Variants in TECTA observed in about 807,000 individuals in gnomAD.
TECTA encodes alpha-tectorin.
TECTA carries 128 observed loss-of-function variants against 216.8 expected under a neutral mutation model. The observed-to-expected ratio is 0.59, with a 90% confidence interval of 0.51 to 0.68. TECTA has a LOEUF of 0.68. TECTA is among the 30% of genes least tolerant of loss of function. The probability of loss-of-function intolerance (pLI) is 0.00; values close to 1 mark genes in which losing one functional copy is unlikely to be tolerated. For missense variants in TECTA, 2,551 were observed against 2,786.2 expected, an observed-to-expected ratio of 0.92 and a Z score of 1.90; for synonymous variants, 1,089 against 1,117.1, an observed-to-expected ratio of 0.97 and a Z score of 0.50.
At chr11:121,138,091 C>T (rs973178211) in intron 11 of TECTA, 69 bp downstream of exon 11, 2 of 1,606,154 alleles carry the variant, frequency 1.2e-6, no homozygotes, top group African/African-American at 2.7e-5. Flanking sequence ...GCAAGCCAGG[C>T]TGCAGCTGAA....
chr11:121,113,589 A>G lies in TECTA; in HGVS notation c.661A>G (p.Ser221Gly), dbSNP rs1306149615. The G allele has an allele frequency of 1.2e-6, 2 of 1,613,946 alleles. No individual in the cohort carries two copies. Among genetic ancestry groups the G allele is most frequent in the East Asian group, 2.2e-5 (1 of 44,880 alleles). The change falls in exon 6 of 24, where the codon AGC becomes GGC. Residue 221 changes from serine to glycine, a missense_variant. Physicochemically the swap from Ser to Gly is moderately conservative, Grantham distance 56. Coordinates refer to ENST00000392793, the MANE Select transcript of TECTA (RefSeq NM_005422.4). The surrounding 1 kb of genome is among the most constrained non-coding windows in gnomAD (Gnocchi z 4.2). Reference sequence around the variant, plus strand: ...TGGTGGAAACCTCACCAATTTCTTCAGCCTCCCGGGGTCAAGAACCCCCGA... The same window carrying G: ...TGGTGGAAACCTCACCAATTTCTTCGGCCTCCCGGGGTCAAGAACCCCCGA... ...FNGGNLTNFF[S>G]LPGSRTPEIV...
At chr11:121,163,065 C>T (rs1295649557) in intron 16 of TECTA, among the ~76,000 whole-genome samples, 1 of 152,168 alleles carries the variant, frequency 6.6e-6, no homozygotes, top group African/African-American at 2.4e-5. Context: ...GTCACTCTCA[C>T]TAGTGTGGCC....
At chr11:121,166,922 A>G (rs994837396) in intron 18 of TECTA, 142 bp downstream of exon 18, 8 of 906,440 alleles carry the variant, frequency 8.8e-6, no homozygotes, top group African/African-American at 4.9e-5. Context: ...CATGTGCAAC[A>G]TGAAAGACAG....
At position 121,176,582 on chromosome 11, in the gene TECTA, A is replaced by T. The variant is rs866890204; in HGVS notation, c.5999+7657A>T. ...TGGGCTTCCCTTTGTGGGTAACCTG[A>T]CCTTTCTCTCTGGCTGCCCTTAACA... On this transcript the variant is annotated intron_variant, in intron 20 of 23. Coordinates refer to ENST00000392793, the MANE Select transcript of TECTA (RefSeq NM_005422.4). Among the ~76,000 whole-genome samples, 6 of 135,462 alleles carry T rather than the reference A, an allele frequency of 4.4e-5. 1 individual carries two copies. The highest frequency in any genetic ancestry group is 1.3e-4 in the African/African-American group (4 of 30,982). The allele number at this position is 135,462 out of a possible 152,430, so 88.9% of individuals were successfully genotyped here.
intron 13 of TECTA, among the ~76,000 whole-genome samples, chr11:121,154,312 G>A (rs1946920988): frequency 6.6e-6 from 1 of 152,116 alleles, no homozygotes; most frequent in Non-Finnish European, 1.5e-5. Context: ...TTTCAGTGGA[G>A]AATTTATTTA....
chr11:121,143,076 A>G (rs1180385400), intron 11 of TECTA, among the ~76,000 whole-genome samples: 1 of 152,160 alleles, frequency 6.6e-6, no homozygotes, highest in East Asian at 1.9e-4. Flanking sequence ...TGCTTCTGCA[A>G]CCCAAATTCT....
rs1946746495 is a variant in TECTA at position 121,137,804 on chromosome 11, C to T, written c.3325C>T (p.Leu1109Phe). The change falls in exon 11 of 24, where the codon CTC becomes TTC. Residue 1109 changes from leucine (L) to phenylalanine (F), a missense_variant. This residue lies in a region of TECTA where 2,375 missense variants were observed against 2,563.9 expected (regional missense o/e 0.93). Coordinates refer to ENST00000392793, the MANE Select transcript of TECTA (RefSeq NM_005422.4). The stretch of plus-strand genomic sequence containing the variant: ...CATCGTCTCAGGCTACGGCCACTAC[C>T]TCACCTTTGATGGCTTCCCCTTTGA... The part of the protein sequence containing the change: ...SCIVSGYGHY[L>F]TFDGFPFDFQ... The T allele has an allele frequency of 6.2e-7, 1 of 1,613,344 alleles. No homozygotes were observed. The highest frequency in any genetic ancestry group is 1.3e-5 in the African/African-American group (1 of 74,922).
At position 121,129,688 on chromosome 11, in the gene TECTA, G is replaced by A. The variant is rs138185038; in HGVS notation, c.2418G>A (p.Leu806=). The A allele has an allele frequency of 1.0e-3, 1,627 of 1,614,202 alleles. 6 individuals are homozygous for A. The highest frequency in any genetic ancestry group is 9.5e-4 in the Non-Finnish European group (1,116 of 1,180,042). ...CTTTTTTCCATCCTTCGGGGAAGCT[G>A]GAAATTTATCGAAACAAAAACAGTA... The part of the protein sequence containing the change: ...ELPFFHPSGK[L]EIYRNKNSTT... The change falls in exon 10 of 24, where the codon CTG becomes CTA. Residue 806 remains leucine (L), a synonymous_variant. Transcript: ENST00000392793.
intron 20 of TECTA, among the ~76,000 whole-genome samples, chr11:121,180,748 T>G (rs1947219080): frequency 6.6e-6 from 1 of 152,078 alleles, no homozygotes; most frequent in South Asian, 2.1e-4. Context: ...CTCCCCAAAT[T>G]GGTATATTTG....
At chr11:121,189,036 A>G (rs754102763) in intron 21 of TECTA, 44 bp from the exon 22 acceptor site, 1 of 1,594,076 alleles carries the variant, frequency 6.3e-7, no homozygotes, top group Non-Finnish European at 8.6e-7. Flanking sequence ...ATAAGTTATC[A>G]GCTTAATTGT....
intron 12 of TECTA, among the ~76,000 whole-genome samples, chr11:121,146,713 G>A (rs1946841914): frequency 1.3e-5 from 2 of 152,186 alleles, no homozygotes; most frequent in African/African-American, 4.8e-5. Flanking sequence ...ATAAAGCAGT[G>A]GTAATGCTGC....
chr11:121,152,853 G>T, intron 12 of TECTA, 28 bp from the exon 13 acceptor site: 3 of 1,581,988 alleles, frequency 1.9e-6, no homozygotes, highest in South Asian at 1.1e-5. Context: ...GTGATCGTGC[G>T]AGTCTTGACT....
intron 22 of TECTA, 101 bp downstream of exon 22, chr11:121,189,268 C>A: frequency 1.6e-6 from 2 of 1,216,602 alleles, no homozygotes; most frequent in Non-Finnish European, 1.2e-6. Context: ...GACAAGGAGG[C>A]TGGTGTTGGG....
intron 20 of TECTA, among the ~76,000 whole-genome samples, chr11:121,182,595 C>A (rs1392011861): frequency 1.6e-4 from 24 of 152,242 alleles, no homozygotes; most frequent in Non-Finnish European, 4.4e-5. Flanking sequence ...ATCCCCAAGC[C>A]CCCGATGGTG....
In TECTA at chr11:121,127,406, T is replaced by A. The variant is rs1946623090; in HGVS notation, c.1775-346T>A. On this transcript the variant is annotated intron_variant, in intron 8 of 23. Coordinates refer to ENST00000392793, the MANE Select transcript of TECTA (RefSeq NM_005422.4). This position sits in a 1 kb window ranked among gnomAD's most constrained non-coding sequence, Gnocchi z 5.0. ...CTTTAAAATCAGATCAATTTATATG[T>A]CCATCAGTGGAAGGTCTTAAAATAT... Among the ~76,000 whole-genome samples, 1 of 152,206 alleles carries A rather than the reference T, an allele frequency of 6.6e-6. No homozygotes were observed. Among genetic ancestry groups the A allele is most frequent in the Non-Finnish European group, 1.5e-5 (1 of 68,032 alleles).
chr11:121,109,821 C>T, intron 4 of TECTA: 1 of 371,062 alleles, frequency 2.7e-6, no homozygotes, highest in Non-Finnish European at 5.1e-6. Context: ...AGACCCATTC[C>T]AGGCCACATG....
chr11:121,113,522 T>A lies in TECTA; in HGVS notation c.625-31T>A, dbSNP rs1946465075. The stretch of plus-strand genomic sequence containing the variant: ...GTTAACCCATGGGGAATTTTTGTAC[T>A]CAAAAATCTTGTCTTCCTTTTGTGC... On this transcript the variant is annotated intron_variant, in intron 5 of 23. Transcript: ENST00000392793. The surrounding 1 kb of genome is among the most constrained non-coding windows in gnomAD (Gnocchi z 4.2). 1 of 1,613,740 alleles carries A rather than the reference T, an allele frequency of 6.2e-7. No homozygotes were observed. Among genetic ancestry groups the A allele is most frequent in the South Asian group, 1.1e-5 (1 of 91,064 alleles).
chr11:121,113,551 A>G lies in TECTA; in HGVS notation c.625-2A>G. On this transcript the variant is annotated splice_acceptor_variant, in intron 5 of 23. Transcript: ENST00000392793. LOFTEE classifies it high-confidence loss of function. The surrounding 1 kb of genome is among the most constrained non-coding windows in gnomAD (Gnocchi z 4.2). ...AAATCTTGTCTTCCTTTTGTGCTGC[A>G]GGCAGGATTTAATGGTGGAAACCTC... 1 of 1,614,044 alleles carries G rather than the reference A, an allele frequency of 6.2e-7. No individual in the cohort carries two copies. The highest frequency in any genetic ancestry group is 8.5e-7 in the Non-Finnish European group (1 of 1,180,022).
intron 21 of TECTA, 112 bp from the exon 22 acceptor site, chr11:121,188,968 C>T: frequency 9.8e-7 from 1 of 1,020,938 alleles, no homozygotes; most frequent in Middle Eastern, 2.0e-4. Flanking sequence ...TAATCTGAGC[C>T]TCCATAATGC....
Sources: gnomAD v4.1 joint callset for allele counts (sites outside exome capture counted in the v4.1 genomes callset) on GRCh38, gnomAD v4.1.1 for gene constraint, gnomAD v4.1.1 regional missense constraint, Gnocchi (gnomAD v3.1) non-coding constraint, MANE v1.5 for transcripts, NCBI Gene and HGNC (gene_info 2026-07-23, HGNC 2026-07-21) for gene names.